Variants in MARK1 observed in about 807,000 individuals in gnomAD.
The protein encoded by MARK1 is serine/threonine-protein kinase MARK1.
MARK1 carries 40 observed loss-of-function variants against 96.3 expected under a neutral mutation model. The observed-to-expected ratio is 0.42, with a 90% CI of 0.32 to 0.54. MARK1 has a LOEUF of 0.54. Ranked by LOEUF, MARK1 falls within the 20% of genes least tolerant of loss-of-function variation. MARK1 has a pLI of 0.16. For synonymous variants in MARK1, 317 were observed against 341.2 expected (o/e 0.93, Z 0.78); for missense variants, 719 against 984.6 (o/e 0.73, Z 3.61).
intron 1 of MARK1, among the ~76,000 whole-genome samples, chr1:220,547,900 A>T (rs563312770): frequency 2.6e-5 from 4 of 152,332 alleles, no homozygotes; most frequent in African/African-American, 9.6e-5. Context: ...TGTCACACAC[A>T]TAATGCTGCA....
In MARK1 at chr1:220,654,128, GCAGA is replaced by G. The variant is rs1398158990; in HGVS notation, c.1988+779_1988+782del. On this transcript the variant is annotated intron_variant, in intron 16 of 17. Coordinates refer to ENST00000366917, the MANE Select transcript of MARK1 (RefSeq NM_018650.5). This position sits in a 1 kb window ranked among gnomAD's most constrained non-coding sequence, Gnocchi z 4.0. ...CCAGATTCTTATAGTCTTGTAAGAA[GCAGA>G]CAAACAACTAGCCATGATATAAAGC... Among the ~76,000 whole-genome samples the G allele has an allele frequency of 1.3e-5, 2 of 152,180 alleles. No individual in the cohort carries two copies. The highest frequency in any genetic ancestry group is 2.9e-5 in the Non-Finnish European group (2 of 68,026).
chr1:220,624,598 C>CAAAAA (rs36021632), intron 9 of MARK1, among the ~76,000 whole-genome samples: 1 of 69,766 alleles, frequency 1.4e-5, no homozygotes, highest in African/African-American at 5.0e-5. Context: ...AACTCCGTCT[C>CAAAAA]AAAAAAAAAA....
intron 2 of MARK1, among the ~76,000 whole-genome samples, chr1:220,580,549 G>A (rs1158227392): frequency 1.4e-4 from 22 of 151,848 alleles, no homozygotes; most frequent in Admixed American, 1.4e-3. Context: ...TATTATTGTC[G>A]TTTCCCATTG....
chr1:220,631,208 G>T, intron 10 of MARK1, 74 bp downstream of exon 10: 1 of 892,714 alleles, frequency 1.1e-6, no homozygotes, highest in Admixed American at 2.4e-5. Flanking sequence ...CCAAAATAGT[G>T]TTTAAGAGTA....
At chr1:220,610,619 A>G (rs907872071) in intron 6 of MARK1, among the ~76,000 whole-genome samples, 1 of 152,136 alleles carries the variant, frequency 6.6e-6, no homozygotes, top group East Asian at 1.9e-4. Context: ...GATCCTTTGG[A>G]GGAGAAGAGG....
intron 3 of MARK1, among the ~76,000 whole-genome samples, chr1:220,582,685 A>C (rs1664319698): frequency 6.6e-6 from 1 of 152,254 alleles, no homozygotes; most frequent in Non-Finnish European, 1.5e-5. Context: ...TGTATAAACA[A>C]AGTTGTACTT....
rs745429577 is a variant in MARK1, at chr1:220,653,083, C to T, written c.1737-18C>T. 1 of 1,612,682 alleles carries T rather than the reference C, an allele frequency of 6.2e-7. No homozygotes were observed. Among genetic ancestry groups the T allele is most frequent in the Non-Finnish European group, 8.5e-7 (1 of 1,178,822 alleles). On this transcript the variant is annotated intron_variant, in intron 15 of 17. Transcript: ENST00000366917. ...CTTGTCATTATTCTGAATGATATAT[C>T]TTAATTTGTCCCAGCAGTACAACCC...
At chr1:220,536,787 G>A (rs776978857) in intron 1 of MARK1, among the ~76,000 whole-genome samples, 1 of 152,082 alleles carries the variant, frequency 6.6e-6, no homozygotes, top group Non-Finnish European at 1.5e-5. Flanking sequence ...CGCCATGTTG[G>A]CCAGGTTGGT....
intron 1 of MARK1, among the ~76,000 whole-genome samples, chr1:220,564,723 G>A (rs1433581238): frequency 6.6e-6 from 1 of 151,938 alleles, no homozygotes; most frequent in Non-Finnish European, 1.5e-5. Flanking sequence ...TTAATATTTT[G>A]GGCCATTTCT....
At chr1:220,538,012 G>A (rs1572040812) in intron 1 of MARK1, among the ~76,000 whole-genome samples, 1 of 151,836 alleles carries the variant, frequency 6.6e-6, no homozygotes, top group Admixed American at 6.6e-5. Flanking sequence ...AGTAGGTTGT[G>A]AAAATTTTGT....
At chr1:220,576,861 G>A (rs1663888879) in intron 1 of MARK1, 1 of 151,690 alleles carries the variant, frequency 6.6e-6, no homozygotes, top group Non-Finnish European at 1.5e-5. Context: ...AGTTCTAATA[G>A]TTGAAGTATA....
chr1:220,589,681 G>A (rs772381306), intron 3 of MARK1, among the ~76,000 whole-genome samples: 1 of 152,114 alleles, frequency 6.6e-6, no homozygotes, highest in Non-Finnish European at 1.5e-5. Flanking sequence ...TTAATTTCCA[G>A]CCTACAGCAA....
intron 13 of MARK1, among the ~76,000 whole-genome samples, chr1:220,643,363 AT>A (rs1286263911): frequency 2.6e-5 from 4 of 152,328 alleles, no homozygotes; most frequent in Admixed American, 2.6e-4. Flanking sequence ...TCTTGGTGAA[AT>A]GAGGCAGGCA....
At chr1:220,600,959 C>T (rs1199813723) in intron 5 of MARK1, among the ~76,000 whole-genome samples, 1 of 150,840 alleles carries the variant, frequency 6.6e-6, no homozygotes, top group Admixed American at 6.6e-5. Context: ...GTGGCACGAT[C>T]TCGGTTCACT....
chr1:220,657,141 T>G (rs1669218460), intron 16 of MARK1, among the ~76,000 whole-genome samples: 1 of 152,196 alleles, frequency 6.6e-6, no homozygotes, highest in African/African-American at 2.4e-5. Context: ...TTCAAAAATA[T>G]TAATTACATG....
At chr1:220,559,030 C>A (rs1314040161) in intron 1 of MARK1, among the ~76,000 whole-genome samples, 1 of 151,984 alleles carries the variant, frequency 6.6e-6, no homozygotes. Context: ...ATAGGTTAAA[C>A]AGATAAGGTA....
chr1:220,604,971 T>G (rs1183851807), intron 6 of MARK1, among the ~76,000 whole-genome samples: 1 of 152,142 alleles, frequency 6.6e-6, no homozygotes, highest in African/African-American at 2.4e-5. Flanking sequence ...GCTCGCTACC[T>G]CTTCTGCCTG....
chr1:220,532,325 T>G (rs1660374811), intron 1 of MARK1, among the ~76,000 whole-genome samples: 1 of 152,230 alleles, frequency 6.6e-6, no homozygotes, highest in Admixed American at 6.5e-5. Context: ...AGCATACCTT[T>G]GTCACTATCC....
chr1:220,550,841 C>G (rs1234181613), intron 1 of MARK1, among the ~76,000 whole-genome samples: 2 of 152,140 alleles, frequency 1.3e-5, no homozygotes, highest in African/African-American at 4.8e-5. Flanking sequence ...TTTAATTTAT[C>G]ACATTGGAGT....
Sources: allele counts gnomAD v4.1 joint callset (sites outside exome capture counted in the v4.1 genomes callset), GRCh38; gene constraint gnomAD v4.1.1; non-coding constraint Gnocchi (gnomAD v3.1); transcripts MANE v1.5; gene names NCBI Gene and HGNC (gene_info 2026-07-23, HGNC 2026-07-21).